DCX: variants seen among roughly 807,000 people sequenced by gnomAD.
The protein encoded by DCX is doublecortin.
In DCX, 4 loss-of-function variants were observed where a neutral mutation model predicts 20.9. The ratio of observed to expected loss-of-function variants is 0.19; its 90% CI spans 0.09 to 0.44. DCX has a LOEUF of 0.44. Among genes scored for constraint, DCX ranks in the 20% least tolerant of loss-of-function variants. The pLI is 0.99. For missense variants in DCX, 133 were observed against 296.9 expected (o/e 0.45, Z 4.06); for synonymous variants, 103 against 111.4 (o/e 0.92, Z 0.47).
chrX:111,381,965 G>C (rs1017288871), intron 3 of DCX, among the ~76,000 whole-genome samples: 53 of 111,621 alleles, frequency 4.7e-4, no homozygotes, highest in African/African-American at 1.7e-3. Flanking sequence ...CACCATCCCT[G>C]TACCTTATTT....
At chrX:111,305,011 A>T (rs1444411715) in intron 6 of DCX, among the ~76,000 whole-genome samples, 1 of 112,054 alleles carries the variant, frequency 8.9e-6, no homozygotes, top group Non-Finnish European at 1.9e-5. Context: ...ACAGGAACAG[A>T]GCCCCTCGGC....
chrX:111,358,946 A>C (rs1298212562), intron 3 of DCX, among the ~76,000 whole-genome samples: 1 of 112,243 alleles, frequency 8.9e-6, no homozygotes, highest in African/African-American at 3.2e-5. Flanking sequence ...AAGAAAATAG[A>C]AGATATTTTA....
At chrX:111,336,928 G>A (rs747298199) in intron 3 of DCX, among the ~76,000 whole-genome samples, 73 of 111,074 alleles carry the variant, frequency 6.6e-4, no homozygotes, top group African/African-American at 2.4e-3. Flanking sequence ...CAAGGAGAGG[G>A]AGAAGGAGGG....
chrX:111,406,726 G>A (rs889569558), intron 2 of DCX, among the ~76,000 whole-genome samples: 4 of 112,293 alleles, frequency 3.6e-5, no homozygotes, highest in South Asian at 7.4e-4. Context: ...TATGAAGTGC[G>A]CAGAATAGGC....
In DCX at chrX:111,294,264, T is replaced by C. The variant is rs2095015069; in HGVS notation, c.*7423A>G. ...TTGTTTTTTTTTCTGGCTATAACTA[T>C]TCTAAATAGGTGGCTAAAGTTCTTA... On this transcript the variant is annotated 3_prime_UTR_variant, in exon 7 of 7. Transcript: ENST00000636035. The C allele has an allele frequency of 9.0e-6, 1 of 111,563 alleles. No homozygotes were observed. The highest frequency in any genetic ancestry group is 9.6e-5 in the Admixed American group (1 of 10,471). 9.2% of individuals were successfully genotyped at this position (111,563 alleles called of 1,213,427 possible).
chrX:111,346,375 A>G (rs932578631), intron 3 of DCX, among the ~76,000 whole-genome samples: 2 of 112,690 alleles, frequency 1.8e-5, no homozygotes, highest in Non-Finnish European at 3.8e-5. Context: ...TTATTCAGCT[A>G]CAAAAAAGAA....
intron 6 of DCX, among the ~76,000 whole-genome samples, chrX:111,302,988 C>T (rs909670799): frequency 5.0e-4 from 56 of 111,625 alleles, no homozygotes; most frequent in African/African-American, 1.8e-3. Context: ...CCCAATTTAT[C>T]AGTTTTTATT....
chrX:111,302,358 G>A (rs917522486), intron 6 of DCX, among the ~76,000 whole-genome samples: 3 of 111,937 alleles, frequency 2.7e-5, no homozygotes, highest in Admixed American at 9.5e-5. Context: ...TGAAGCACAC[G>A]TTGAATGATT....
At chrX:111,385,370 T>C (rs1312872670) in intron 3 of DCX, among the ~76,000 whole-genome samples, 1 of 111,805 alleles carries the variant, frequency 8.9e-6, no homozygotes, top group Non-Finnish European at 1.9e-5. Context: ...AAAATCAAGT[T>C]CTTGGCTGGG....
chrX:111,342,169 G>A (rs1199917384), intron 3 of DCX, among the ~76,000 whole-genome samples: 44 of 81,815 alleles, frequency 5.4e-4, no homozygotes, highest in African/African-American at 2.0e-3. Context: ...AAAATAAAGG[G>A]ATGGAGGAAA....
At chrX:111,357,613 T>C (rs1603418708) in intron 3 of DCX, among the ~76,000 whole-genome samples, 1 of 109,969 alleles carries the variant, frequency 9.1e-6, no homozygotes, top group Non-Finnish European at 1.9e-5. Flanking sequence ...CTTTTGTCTC[T>C]ACAAGAAAAA....
chrX:111,326,612 T>C (rs1275745677), intron 5 of DCX, among the ~76,000 whole-genome samples: 1 of 111,967 alleles, frequency 8.9e-6, no homozygotes, highest in Non-Finnish European at 1.9e-5. Context: ...ATAGCTAATA[T>C]GACTTGGATT....
chrX:111,355,661 A>G (rs962322684), intron 3 of DCX, among the ~76,000 whole-genome samples: 35 of 111,488 alleles, frequency 3.1e-4, no homozygotes, highest in Non-Finnish European at 5.6e-4. Context: ...ATCCAAATTC[A>G]GCTCAGAGGA....
Position 111,337,739 on chromosome X carries a change from C to T in DCX, c.706-4586G>A, listed in dbSNP as rs192864046. Among the ~76,000 whole-genome samples the T allele has an allele frequency of 2.0e-4, 22 of 112,329 alleles. No individual in the cohort carries two copies. In the East Asian group the frequency reaches 5.0e-3, roughly 26 times the overall value. On this transcript the variant is annotated intron_variant, in intron 3 of 6. Transcript: ENST00000636035. The stretch of plus-strand genomic sequence containing the variant: ...TTGCTCACATTATCTATGATGCTCA[C>T]TTTTAACTTGTAAAATACTTTCTTC...
chrX:111,371,287 C>G (rs2147709858), intron 3 of DCX, among the ~76,000 whole-genome samples: 1 of 112,191 alleles, frequency 8.9e-6, no homozygotes, highest in Non-Finnish European at 1.9e-5. Context: ...CCCTGAGAGG[C>G]AATCACTGTT....
chrX:111,386,335 A>G (rs1381406282), intron 3 of DCX, among the ~76,000 whole-genome samples: 1 of 110,751 alleles, frequency 9.0e-6, no homozygotes, highest in African/African-American at 3.3e-5. Context: ...GAATTTTTTT[A>G]GCTTGCTCAG....
chrX:111,409,894 T>C, intron 2 of DCX, 141 bp downstream of exon 2: 2 of 797,760 alleles, frequency 2.5e-6, no homozygotes, highest in Non-Finnish European at 3.7e-6. Flanking sequence ...TTGATGTCTA[T>C]AGCATTAGAA....
chrX:111,364,600 G>T (rs1176482054), intron 3 of DCX, among the ~76,000 whole-genome samples: 1 of 111,840 alleles, frequency 8.9e-6, no homozygotes, highest in African/African-American at 3.2e-5. Flanking sequence ...TTGCAAGCAT[G>T]TTCAAGGAGA....
chrX:111,324,366 C>T (rs913277510), intron 5 of DCX, among the ~76,000 whole-genome samples: 1 of 111,935 alleles, frequency 8.9e-6, no homozygotes, highest in African/African-American at 3.2e-5. Context: ...AGCTCTCTCC[C>T]ATGAACTCCA....
Sources: allele counts gnomAD v4.1 joint callset (sites outside exome capture counted in the v4.1 genomes callset), GRCh38; gene constraint gnomAD v4.1.1; transcripts MANE v1.5; gene names NCBI Gene and HGNC (gene_info 2026-07-23, HGNC 2026-07-21).